GPR158: variants seen among roughly 807,000 people sequenced by gnomAD.
GPR158 encodes metabotropic glycine receptor.
A neutral mutation model predicts 78.2 loss-of-function variants in GPR158; 30 were observed. The ratio of observed to expected loss-of-function variants is 0.38; its 90% CI spans 0.29 to 0.52. The LOEUF is 0.52. Ranked by LOEUF, GPR158 falls within the 20% of genes least tolerant of loss-of-function variation. The pLI is 0.83. For missense variants in GPR158, 1,463 were observed against 1,523.5 expected (o/e 0.96, Z 0.66); for synonymous variants, 581 against 591.1 (o/e 0.98, Z 0.25).
chr10:25,217,188 C>G (rs780793397), intron 1 of GPR158, among the ~76,000 whole-genome samples: 5 of 152,172 alleles, frequency 3.3e-5, no homozygotes, highest in Non-Finnish European at 7.3e-5. Context: ...GCAATGGTCT[C>G]TTTCTGGTAT....
At position 25,319,396 on chromosome 10, in the gene GPR158, A is replaced by G. The variant is rs548675762; in HGVS notation, c.1009-76515A>G. Among the ~76,000 whole-genome samples the G allele has an allele frequency of 5.7e-4, 87 of 152,232 alleles. 2 individuals are homozygous for G. The South Asian group carries it at 0.018, about 31-fold the overall frequency. ...TGTCTTATTTTTTTTGTAAATTCCCATTGTGTTAATCTAACACAATGTCTT... is the reference window on the plus strand; with the variant it reads ...TGTCTTATTTTTTTTGTAAATTCCCGTTGTGTTAATCTAACACAATGTCTT... On this transcript the variant is annotated intron_variant, in intron 2 of 10. Transcript: ENST00000376351.
intron 2 of GPR158, among the ~76,000 whole-genome samples, chr10:25,246,340 C>T (rs184811513): frequency 1.1e-4 from 16 of 152,236 alleles, no homozygotes; most frequent in African/African-American, 3.1e-4. Context: ...TCTGCATTTT[C>T]TGTGTGTATC....
intron 1 of GPR158, among the ~76,000 whole-genome samples, chr10:25,178,884 G>A (rs1180355235): frequency 1.3e-5 from 2 of 152,192 alleles, no homozygotes; most frequent in African/African-American, 4.8e-5. Context: ...CAACAGAAAT[G>A]GGATCCAGGC....
intron 7 of GPR158, among the ~76,000 whole-genome samples, chr10:25,577,851 T>C (rs1182314409): frequency 7.0e-6 from 1 of 142,724 alleles, no homozygotes; most frequent in Admixed American, 7.0e-5. Context: ...GTTAGTCCTG[T>C]GTATAAAAAA....
At chr10:25,372,764 C>A (rs537357625) in intron 2 of GPR158, among the ~76,000 whole-genome samples, 1 of 149,728 alleles carries the variant, frequency 6.7e-6, no homozygotes, top group Non-Finnish European at 1.5e-5. Flanking sequence ...TGCTAGATGA[C>A]GAGTTAGTGG....
intron 3 of GPR158, among the ~76,000 whole-genome samples, chr10:25,402,766 C>G (rs1834464752): frequency 6.6e-6 from 1 of 151,742 alleles, no homozygotes; most frequent in Non-Finnish European, 1.5e-5. Context: ...ATTACAAAAT[C>G]TAACTTTCAG....
At chr10:25,395,758 G>T (rs1327500004) in intron 2 of GPR158, among the ~76,000 whole-genome samples, 153 bp from the exon 3 acceptor site, 1 of 152,044 alleles carries the variant, frequency 6.6e-6, no homozygotes, top group Non-Finnish European at 1.5e-5. Flanking sequence ...AAAATTGTTG[G>T]CACAACAAAA....
chr10:25,232,422 C>T (rs1301522683), intron 2 of GPR158, among the ~76,000 whole-genome samples: 1 of 152,092 alleles, frequency 6.6e-6, no homozygotes, highest in African/African-American at 2.4e-5. Context: ...CTTGGCAGCC[C>T]CCTTTTTGAG....
intron 3 of GPR158, among the ~76,000 whole-genome samples, chr10:25,405,035 G>A (rs1834494036): frequency 6.6e-6 from 1 of 152,068 alleles, no homozygotes; most frequent in Non-Finnish European, 1.5e-5. Context: ...ATCTAGACAA[G>A]TAACTCAGTC....
chr10:25,336,850 C>T (rs1855215605), intron 2 of GPR158, among the ~76,000 whole-genome samples: 1 of 152,054 alleles, frequency 6.6e-6, no homozygotes, highest in Admixed American at 6.6e-5. Context: ...AACTGTCAAC[C>T]TCTTGGATTC....
chr10:25,427,891 G>A (rs183295341), intron 4 of GPR158, among the ~76,000 whole-genome samples: 2 of 152,088 alleles, frequency 1.3e-5, no homozygotes, highest in African/African-American at 4.8e-5. Context: ...GGGCTGATTA[G>A]GTAACCTTGT....
At chr10:25,204,685 G>C (rs572628094) in intron 1 of GPR158, among the ~76,000 whole-genome samples, 1 of 152,162 alleles carries the variant, frequency 6.6e-6, no homozygotes, top group Non-Finnish European at 1.5e-5. Flanking sequence ...TTGCATCGAT[G>C]TTCTTCAGGG....
chr10:25,274,803 G>T (rs1308714359), intron 2 of GPR158, among the ~76,000 whole-genome samples: 1 of 152,112 alleles, frequency 6.6e-6, no homozygotes, highest in Non-Finnish European at 1.5e-5. Flanking sequence ...GTGTTCTTTG[G>T]TGTATTGTAG....
intron 5 of GPR158, among the ~76,000 whole-genome samples, chr10:25,522,291 C>T (rs765036693): frequency 6.6e-6 from 1 of 152,172 alleles, no homozygotes; most frequent in African/African-American, 2.4e-5. Context: ...ACCCCGTTAC[C>T]CTCCCAGTGC....
chr10:25,504,401 G>T (rs1276411924), intron 5 of GPR158, among the ~76,000 whole-genome samples: 2 of 152,184 alleles, frequency 1.3e-5, no homozygotes, highest in African/African-American at 4.8e-5. Flanking sequence ...CCAAGGGGTT[G>T]ACTGCCTGAG....
chr10:25,466,366 C>G (rs2130617349), intron 4 of GPR158: 1 of 296,032 alleles, frequency 3.4e-6, no homozygotes, highest in East Asian at 5.9e-5. Context: ...AAAGTATCTT[C>G]AAGATAGTGT....
At chr10:25,496,812 G>A (rs1014910103) in intron 5 of GPR158, among the ~76,000 whole-genome samples, 1 of 152,164 alleles carries the variant, frequency 6.6e-6, no homozygotes, top group Non-Finnish European at 1.5e-5. Context: ...ACAGTCTACG[G>A]GAAATTATAC....
At chr10:25,247,302 ATTC>A (rs958557426) in intron 2 of GPR158, among the ~76,000 whole-genome samples, 8 of 144,910 alleles carry the variant, frequency 5.5e-5, no homozygotes, top group Middle Eastern at 3.5e-3. Flanking sequence ...AATTCAATTT[ATTC>A]TTTTTTTTTT....
At chr10:25,221,230 TA>T in intron 2 of GPR158, 73 bp downstream of exon 2, 1 of 793,608 alleles carries the variant, frequency 1.3e-6, no homozygotes, top group East Asian at 2.6e-5. Flanking sequence ...TTTGTGTGGG[TA>T]AATGAACAAG....
Sources: gnomAD v4.1 joint callset for allele counts (sites outside exome capture counted in the v4.1 genomes callset) on GRCh38, gnomAD v4.1.1 for gene constraint, MANE v1.5 for transcripts, NCBI Gene and HGNC (gene_info 2026-07-23, HGNC 2026-07-21) for gene names.